OTX1: variants seen among roughly 807,000 people sequenced by gnomAD.
The protein encoded by OTX1 is orthodenticle homeobox 1.
OTX1 carries 7 observed loss-of-function variants against 26.7 expected under a neutral mutation model. The ratio of observed to expected loss-of-function variants is 0.26; its 90% CI spans 0.15 to 0.49. The LOEUF is 0.49. Among genes scored for constraint, OTX1 ranks in the 20% least tolerant of loss-of-function variants. OTX1 has a pLI of 0.98. For missense variants in OTX1, 414 were observed against 483.8 expected, an observed-to-expected ratio of 0.86 and a Z score of 1.35; for synonymous variants, 216 against 212.8, an observed-to-expected ratio of 1.01 and a Z score of -0.13.
chr2:63,050,204 G>A (rs1168677963), upstream of OTX1: 1 of 152,092 alleles, frequency 6.6e-6, no homozygotes, highest in Non-Finnish European at 1.5e-5. Flanking sequence ...CGAGAGTCCG[G>A]AGGGGCCGAG....
At position 63,057,450 on chromosome 2, in the gene OTX1, T is replaced by A. The variant is rs577708023; in HGVS notation, c.*1134T>A. The A allele has an allele frequency of 6.6e-6, 1 of 152,204 alleles. No individual in the cohort carries two copies. Among genetic ancestry groups the A allele is most frequent in the Admixed American group, 6.5e-5 (1 of 15,276 alleles). 9.4% of individuals were successfully genotyped at this position (152,204 alleles called of 1,614,324 possible). A position where few individuals can be genotyped will look rare whatever the true frequency, so the allele number is the denominator to read the frequency against. ...TCTAAGCACAGGGTCGCAGTTCCAG[T>A]TTACAAACCTAAAACAAGAAAACCA... On this transcript the variant is annotated 3_prime_UTR_variant, in exon 5 of 5. Transcript: ENST00000282549.
chr2:63,049,836 G>A (rs2062010105), upstream of OTX1, among the ~76,000 whole-genome samples: 1 of 152,206 alleles, frequency 6.6e-6, no homozygotes, highest in East Asian at 1.9e-4. This position sits in a 1 kb window ranked among gnomAD's most constrained non-coding sequence, Gnocchi z 4.8. Context: ...TTTTTCGGGT[G>A]GGAAATGGGC....
In OTX1 at chr2:63,056,617, C is replaced by T; in HGVS notation, c.*301C>T. ...AGCCCCTACTAAACTCTTAAGCCTC[C>T]CCTTCCAGTCTTTCTGGACAGCTAT... On this transcript the variant is annotated 3_prime_UTR_variant, in exon 5 of 5. Transcript: ENST00000282549. The T allele has an allele frequency of 2.3e-6, 1 of 430,882 alleles. No individual in the cohort carries two copies. The highest frequency in any genetic ancestry group is 4.2e-6 in the Non-Finnish European group (1 of 237,386). 26.7% of individuals were successfully genotyped at this position (430,882 alleles called of 1,614,324 possible). A position where few individuals can be genotyped will look rare whatever the true frequency, so the allele number is the denominator to read the frequency against.
intron 2 of OTX1, chr2:63,051,864 A>T (rs1388831316): frequency 1.3e-5 from 2 of 152,538 alleles, no homozygotes; most frequent in African/African-American, 2.4e-5. Flanking sequence ...GACCCCTGAG[A>T]GTGGCACCCC....
At chr2:63,053,872 CT>C in intron 3 of OTX1, 174 bp from the exon 4 acceptor site, 1 of 656,118 alleles carries the variant, frequency 1.5e-6, no homozygotes, top group Non-Finnish European at 2.6e-6. Flanking sequence ...CACATCTGCA[CT>C]TTCTCCCACC....
rs1388048687 is a variant in OTX1, at chr2:63,056,131, C to A, written c.880C>A (p.His294Asn). 1 of 1,613,924 alleles carries A rather than the reference C, an allele frequency of 6.2e-7. No individual in the cohort carries two copies. ...GTTGAGCCAGTCCTCAGGCCACCAC[C>A]ACCACCATCACCACCACCACCACCA... is the stretch of plus-strand genomic sequence containing the variant. ...HPLSQSSGHH[H>N]HHHHHHHQGY... is the part of the protein sequence containing the mutation. Residue 294 changes from histidine to asparagine, a missense_variant, in exon 5 of 5, where the codon CAC (histidine) becomes AAC (asparagine). Coordinates refer to ENST00000282549, the MANE Select transcript of OTX1 (RefSeq NM_014562.4).
At position 63,056,164 on chromosome 2, in the gene OTX1, G is replaced by C; in HGVS notation, c.913G>C (p.Gly305Arg). The C allele has an allele frequency of 6.2e-7, 1 of 1,613,936 alleles. No individual in the cohort carries two copies. The highest frequency in any genetic ancestry group is 8.5e-7 in the Non-Finnish European group (1 of 1,179,992). ...TCACCACCACCACCACCAAGGCTAC[G>C]GTGGCTCTGGGCTTGCCTTCAACTC... Reference protein sequence around the residue: ...HHHHHHHQGYGGSGLAFNSAD... With the variant: ...HHHHHHHQGYRGSGLAFNSAD... Residue 305 changes from glycine to arginine, a missense_variant, in exon 5 of 5, where the codon GGT becomes CGT. Around this residue, in one of 3 missense-constraint regions of OTX1, gnomAD observed 320 missense variants for 347.9 expected, o/e 0.92. Transcript: ENST00000282549.
chr2:63,052,027 C>T (rs534034108), intron 2 of OTX1: 3 of 152,506 alleles, frequency 2.0e-5, no homozygotes, highest in Non-Finnish European at 4.4e-5. Context: ...TGCCCTCCGG[C>T]TTCACAAATC....
In OTX1 at chr2:63,055,441, T is replaced by A; in HGVS notation, c.250-60T>A. On this transcript the variant is annotated intron_variant, in intron 4 of 4. Coordinates refer to ENST00000282549, the MANE Select transcript of OTX1 (RefSeq NM_014562.4). The surrounding 1 kb of genome is among the most constrained non-coding windows in gnomAD (Gnocchi z 5.2). ...ACCGGGAGTTGGGTCCGCGGGGCGG[T>A]GGAGCAACAAGCTCCCCTAGCTCCC... is the stretch of plus-strand genomic sequence containing the variant. 6.6e-7 allele frequency: 1 copy of A among 1,514,796 alleles called. No individual in the cohort carries two copies. Among genetic ancestry groups the A allele is most frequent in the Non-Finnish European group, 9.0e-7 (1 of 1,115,362 alleles). 93.8% of individuals were successfully genotyped at this position (1,514,796 alleles called of 1,614,324 possible).
chr2:63,050,332 C>T (rs1163303302), upstream of OTX1, among the ~76,000 whole-genome samples: 2 of 152,174 alleles, frequency 1.3e-5, no homozygotes, highest in African/African-American at 4.8e-5. Flanking sequence ...CTGGGGCCCG[C>T]GGCGCCGGGA....
chr2:63,054,891 T>A (rs1574629058), intron 4 of OTX1, among the ~76,000 whole-genome samples: 1 of 152,208 alleles, frequency 6.6e-6, no homozygotes, highest in South Asian at 2.1e-4. Context: ...GTTCCCCACC[T>A]GGAGCCAAAG....
At chr2:63,053,816 T>C (rs1395160913) in intron 3 of OTX1, 4 of 558,362 alleles carry the variant, frequency 7.2e-6, no homozygotes, top group Non-Finnish European at 1.3e-5. Flanking sequence ...CTGAGAGGCA[T>C]AGAGAGGGGC....
At position 63,055,914 on chromosome 2, in the gene OTX1, T is replaced by C. The variant is rs1322425428; in HGVS notation, c.663T>C (p.Tyr221=). 1 of 1,612,574 alleles carries C rather than the reference T, an allele frequency of 6.2e-7. No individual in the cohort carries two copies. The highest frequency in any genetic ancestry group is 1.3e-5 in the African/African-American group (1 of 74,900). The change falls in exon 5 of 5, where the codon TAT becomes TAC. Residue 221 remains tyrosine (Y), a synonymous_variant. Transcript: ENST00000282549. The surrounding 1 kb of genome is among the most constrained non-coding windows in gnomAD (Gnocchi z 5.2). ...AAGAATAAAS[Y]PMSYGQGGSY... ...GCGCCGCCACCGCAGCAGCCTCTTA[T>C]CCCATGTCCTACGGCCAGGGCGGCA...
Position 63,057,669 on chromosome 2 carries a change from G to A in OTX1, c.*1353G>A, listed in dbSNP as rs1039868296. The A allele has an allele frequency of 3.3e-5, 5 of 152,208 alleles. No individual in the cohort carries two copies. Among genetic ancestry groups the A allele is most frequent in the African/African-American group, 1.2e-4 (5 of 41,444 alleles). 9.4% of individuals were successfully genotyped at this position (152,208 alleles called of 1,614,324 possible). On this transcript the variant is annotated 3_prime_UTR_variant, in exon 5 of 5. Coordinates refer to ENST00000282549, the MANE Select transcript of OTX1 (RefSeq NM_014562.4). Reference sequence around the variant, plus strand: ...ATCTGCGGAGAGCCCGCGCGCCTGTGTATCAATTTTGGCTTTGGCCGCTTC... The same window carrying A: ...ATCTGCGGAGAGCCCGCGCGCCTGTATATCAATTTTGGCTTTGGCCGCTTC...
In OTX1 at chr2:63,056,526, G is replaced by A; in HGVS notation, c.*210G>A. 1.7e-6 allele frequency: 1 copy of A among 602,342 alleles called. No individual in the cohort carries two copies. Among genetic ancestry groups the A allele is most frequent in the Non-Finnish European group, 2.9e-6 (1 of 340,004 alleles). 37.3% of individuals were successfully genotyped at this position (602,342 alleles called of 1,614,324 possible). A position where few individuals can be genotyped will look rare whatever the true frequency, so the allele number is the denominator to read the frequency against. On this transcript the variant is annotated 3_prime_UTR_variant, in exon 5 of 5. Coordinates refer to ENST00000282549, the MANE Select transcript of OTX1 (RefSeq NM_014562.4). ...GCAAACCCACCCTGCCCCTTGGATG[G>A]GGGGACCGGTGCTTCGGCTTGGCCT...
chr2:63,055,714 G>C lies in OTX1; in HGVS notation c.463G>C (p.Ala155Pro). Residue 155 changes from alanine (A) to proline (P), a missense_variant, in exon 5 of 5, where the codon GCG becomes CCG. Around this residue, in one of 3 missense-constraint regions of OTX1, gnomAD observed 320 missense variants for 347.9 expected, o/e 0.92. Coordinates refer to ENST00000282549, the MANE Select transcript of OTX1 (RefSeq NM_014562.4). The surrounding 1 kb of genome is among the most constrained non-coding windows in gnomAD (Gnocchi z 5.2). ...SSANPAAAAA[A>P]GLGGNPVAAA... ...CGCCAACCCAGCGGCTGCAGCGGCT[G>C]CGGGACTAGGTGGGAACCCGGTGGC... 6.2e-7 allele frequency: 1 copy of C among 1,613,334 alleles called. No homozygotes were observed. The highest frequency in any genetic ancestry group is 1.1e-5 in the South Asian group (1 of 91,068).
Position 63,056,217 on chromosome 2 carries a change from T to C in OTX1, c.966T>C (p.Pro322=), listed in dbSNP as rs759679984. The C allele has an allele frequency of 2.7e-5, 44 of 1,613,962 alleles. No individual in the cohort carries two copies. Among genetic ancestry groups the C allele is most frequent in the Non-Finnish European group, 3.6e-5 (42 of 1,180,026 alleles). The change falls in exon 5 of 5, where the codon CCT becomes CCC. Residue 322 remains proline (P), a synonymous_variant. Transcript: ENST00000282549. The stretch of plus-strand genomic sequence containing the variant: ...CCGACTGCTTGGATTACAAGGAGCC[T>C]GGCGCCGCTGCTGCTTCCTCCGCCT... ...NSADCLDYKE[P]GAAAASSAWK...
intron 3 of OTX1, chr2:63,053,491 G>T (rs527659056): frequency 6.7e-4 from 131 of 195,288 alleles, no homozygotes; most frequent in Non-Finnish European, 5.5e-4. Context: ...TATGCGAAGC[G>T]GCAGGCTGCA....
intron 3 of OTX1, among the ~76,000 whole-genome samples, chr2:63,053,739 T>C (rs2062044167): frequency 1.3e-5 from 2 of 152,060 alleles, no homozygotes; most frequent in African/African-American, 4.8e-5. Context: ...CGTGTGCGTG[T>C]GTGTGTGCAG....
Sources: allele counts gnomAD v4.1 joint callset (sites outside exome capture counted in the v4.1 genomes callset), GRCh38; gene constraint gnomAD v4.1.1; regional missense constraint gnomAD v4.1.1; non-coding constraint Gnocchi (gnomAD v3.1); transcripts MANE v1.5; gene names NCBI Gene and HGNC (gene_info 2026-07-23, HGNC 2026-07-21).